RCC1: variants seen among roughly 807,000 people sequenced by gnomAD.
RCC1 encodes regulator of chromosome condensation.
RCC1 carries 11 observed loss-of-function variants against 44.4 expected under a neutral mutation model. The observed-to-expected ratio is 0.25, with a 90% confidence interval of 0.16 to 0.41. The LOEUF (loss-of-function observed/expected upper bound fraction) is 0.41, where lower values mean the gene tolerates loss of function less well. Ranked by LOEUF, RCC1 falls within the 10% of genes least tolerant of loss-of-function variation. The pLI, the probability that RCC1 is intolerant of heterozygous loss-of-function variation, is 1.00. For missense variants in RCC1, 386 were observed against 547.1 expected (o/e 0.71, Z 2.94); for synonymous variants, 213 against 216.5 (o/e 0.98, Z 0.14).
At chr1:28,519,361 C>T (rs1663129424) in intron 4 of RCC1, among the ~76,000 whole-genome samples, 1 of 152,032 alleles carries the variant, frequency 6.6e-6, no homozygotes, top group Non-Finnish European at 1.5e-5. Flanking sequence ...GGGAAGATTT[C>T]CCCCAAGAAG....
chr1:28,526,110 C>T (rs547397362), intron 4 of RCC1, among the ~76,000 whole-genome samples: 1 of 152,076 alleles, frequency 6.6e-6, no homozygotes, highest in African/African-American at 2.4e-5. Flanking sequence ...CTTGGCAAAA[C>T]CCTGTCTCTA....
chr1:28,514,144 A>G (rs1301586738), intron 3 of RCC1, among the ~76,000 whole-genome samples: 2 of 151,346 alleles, frequency 1.3e-5, no homozygotes, highest in Non-Finnish European at 3.0e-5. Flanking sequence ...GCAACAGAGC[A>G]AGACTCCGTC....
chr1:28,526,304 A>C (rs1663660820), intron 4 of RCC1: 1 of 271,270 alleles, frequency 3.7e-6, no homozygotes, highest in African/African-American at 2.2e-5. Context: ...CAAACAAACA[A>C]ACAAACAAAA....
At position 28,536,334 on chromosome 1, in the gene RCC1, T is replaced by G; in HGVS notation, c.890T>G (p.Val297Gly). 6.2e-7 allele frequency: 1 copy of G among 1,614,144 alleles called. No individual in the cohort carries two copies. The highest frequency in any genetic ancestry group is 8.5e-7 in the Non-Finnish European group (1 of 1,180,010). Reference sequence around the variant, plus strand: ...TTCAAGAATTCCACCAAGTCCTGGGTGGGCTTCTCTGGTGGCCAGCACCAT... The same window carrying G: ...TTCAAGAATTCCACCAAGTCCTGGGGGGGCTTCTCTGGTGGCCAGCACCAT... The part of the protein sequence containing the change: ...TSFKNSTKSW[V>G]GFSGGQHHTV... The change falls in exon 11 of 13, where the codon GTG (valine) becomes GGG (glycine). Residue 297 changes from valine to glycine, a missense_variant. Coordinates refer to ENST00000683442, the MANE Select transcript of RCC1 (RefSeq NM_001381865.2). This position sits in a 1 kb window ranked among gnomAD's most constrained non-coding sequence, Gnocchi z 4.9.
At chr1:28,521,523 AG>A (rs1350929524) in intron 4 of RCC1, among the ~76,000 whole-genome samples, 53 of 149,016 alleles carry the variant, frequency 3.6e-4, no homozygotes, top group African/African-American at 1.2e-3. Flanking sequence ...AAAAAAAAAA[AG>A]AAGGTGGCCC....
chr1:28,514,946 T>C (rs1662801296), intron 3 of RCC1, among the ~76,000 whole-genome samples: 1 of 152,170 alleles, frequency 6.6e-6, no homozygotes, highest in Non-Finnish European at 1.5e-5. Context: ...CTTACTTTTA[T>C]ATATGTTATA....
At chr1:28,524,766 C>T (rs984068629) in intron 4 of RCC1, among the ~76,000 whole-genome samples, 3 of 151,904 alleles carry the variant, frequency 2.0e-5, no homozygotes, top group African/African-American at 4.8e-5. Context: ...GGCTCAAGCC[C>T]GGGTGGTTGA....
intron 1 of RCC1, chr1:28,507,600 CTTTTT>C (rs34452349): frequency 0.011 from 3,859 of 345,094 alleles, 23 homozygotes; most frequent in Non-Finnish European, 0.014. Context: ...GGATTGAAGT[CTTTTT>C]TTTTTTTTTT....
At chr1:28,524,823 G>A (rs917366646) in intron 4 of RCC1, among the ~76,000 whole-genome samples, 1 of 152,082 alleles carries the variant, frequency 6.6e-6, no homozygotes, top group African/African-American at 2.4e-5. Context: ...GTCTGGGCAG[G>A]ACCCTGTCTC....
intron 5 of RCC1, among the ~76,000 whole-genome samples, chr1:28,531,413 A>C (rs1664164691): frequency 6.6e-6 from 1 of 151,576 alleles, no homozygotes; most frequent in South Asian, 2.1e-4. Context: ...ATTACAGGCT[A>C]CTGTTGGCAA....
intron 4 of RCC1, chr1:28,526,285 TCAAAAAAA>T (rs966108773): frequency 1.2e-5 from 3 of 242,498 alleles, no homozygotes; most frequent in South Asian, 7.6e-5. Flanking sequence ...AGATGCTGTC[TCAAAAAAA>T]CAAACAAACA....
chr1:28,511,976 CT>C (rs36018995), intron 3 of RCC1, among the ~76,000 whole-genome samples: 43,242 of 99,382 alleles, frequency 0.44, 6,845 homozygotes, highest in African/African-American at 0.54. Flanking sequence ...AAGCCTGATC[CT>C]TTTTTTTTTT....
rs898557020 is a variant in RCC1 at position 28,516,760 on chromosome 1, A to G, written c.-117A>G. The G allele has an allele frequency of 7.4e-5, 16 of 215,956 alleles. No individual in the cohort carries two copies. Among genetic ancestry groups the G allele is most frequent in the African/African-American group, 3.5e-4 (15 of 43,092 alleles). 13.4% of individuals were successfully genotyped at this position (215,956 alleles called of 1,614,324 possible). ...GTGTAAGATCTTGGAGGAAGACAGC[A>G]GAGAGAGAGAGAGAGATCAGAGATC... is the stretch of plus-strand genomic sequence containing the variant. On this transcript the variant is annotated 5_prime_UTR_variant, in exon 4 of 13. Coordinates refer to ENST00000683442, the MANE Select transcript of RCC1 (RefSeq NM_001381865.2).
intron 4 of RCC1, among the ~76,000 whole-genome samples, chr1:28,522,895 G>A (rs1663377343): frequency 6.6e-6 from 1 of 151,842 alleles, no homozygotes; most frequent in Non-Finnish European, 1.5e-5. Flanking sequence ...AATGAGAGGA[G>A]GGGATGAGGG....
Position 28,538,029 on chromosome 1 carries a change from T to G in RCC1, c.*22T>G. 1 of 1,605,260 alleles carries G rather than the reference T, an allele frequency of 6.2e-7. No homozygotes were observed. The highest frequency in any genetic ancestry group is 1.1e-5 in the South Asian group (1 of 89,508). ...CTGATGAAGCCTCTGAGGGCCTGGC[T>G]TCTGTCCTGCACAACCTCCCTCACA... On this transcript the variant is annotated 3_prime_UTR_variant, in exon 13 of 13. Transcript: ENST00000683442.
At chr1:28,526,900 A>G in intron 4 of RCC1, 5 of 357,528 alleles carry the variant, frequency 1.4e-5, no homozygotes, top group Middle Eastern at 1.0e-3. Context: ...CCGTCTCGGA[A>G]AAAAAAAAAA....
intron 5 of RCC1, chr1:28,530,406 T>G (rs1445451726): frequency 4.9e-6 from 4 of 814,284 alleles, no homozygotes; most frequent in East Asian, 5.4e-5. Flanking sequence ...TTGAGGGAGG[T>G]GGCTGTGGTT....
chr1:28,529,836 G>C (rs753093298), intron 4 of RCC1, 22 bp from the exon 5 acceptor site: 1 of 1,593,722 alleles, frequency 6.3e-7, no homozygotes, highest in Non-Finnish European at 8.6e-7. Context: ...TTTCTCATAT[G>C]TAGTATTTGA....
At chr1:28,511,466 T>C (rs1291817927) in intron 3 of RCC1, among the ~76,000 whole-genome samples, 9 of 150,734 alleles carry the variant, frequency 6.0e-5, no homozygotes, top group African/African-American at 2.2e-4. Flanking sequence ...AGTGGCACAA[T>C]CTCAGCTCAC....
Sources: gnomAD v4.1 joint callset for allele counts (sites outside exome capture counted in the v4.1 genomes callset) on GRCh38, gnomAD v4.1.1 for gene constraint, Gnocchi (gnomAD v3.1) non-coding constraint, MANE v1.5 for transcripts, NCBI Gene and HGNC (gene_info 2026-07-23, HGNC 2026-07-21) for gene names.